Variants in PDE10A observed in about 807,000 individuals in gnomAD.
PDE10A encodes the protein cAMP and cAMP-inhibited cGMP 3',5'-cyclic phosphodiesterase 10A.
PDE10A carries 39 observed loss-of-function variants against 97.7 expected under a neutral mutation model. The ratio of observed to expected loss-of-function variants is 0.40; its 90% CI spans 0.31 to 0.52. The LOEUF is 0.52. Ranked by LOEUF, PDE10A falls within the 20% of genes least tolerant of loss-of-function variation. PDE10A has a pLI of 0.56. For missense variants in PDE10A, 731 were observed against 1,047.8 expected (o/e 0.70, Z 4.17); for synonymous variants, 371 against 376.8 (o/e 0.98, Z 0.18).
chr6:165,806,263 G>A (rs1490459220), intron 1 of PDE10A, among the ~76,000 whole-genome samples: 2 of 152,018 alleles, frequency 1.3e-5, no homozygotes, highest in Non-Finnish European at 2.9e-5. Context: ...GGAAACCCCC[G>A]ACAGAGAATG....
intron 1 of PDE10A, among the ~76,000 whole-genome samples, chr6:165,859,262 C>T (rs757185725): frequency 4.6e-5 from 7 of 152,296 alleles, no homozygotes; most frequent in East Asian, 1.9e-4. Flanking sequence ...CACTAGACAG[C>T]GCACCAGCAC....
intron 1 of PDE10A, among the ~76,000 whole-genome samples, chr6:165,764,454 C>T (rs910144865): frequency 2.0e-5 from 3 of 152,108 alleles, no homozygotes; most frequent in Admixed American, 1.3e-4. Context: ...TTGGTGGGTT[C>T]TTGGTCTCAC....
intron 1 of PDE10A, among the ~76,000 whole-genome samples, chr6:165,550,379 A>G (rs552534885): frequency 5.9e-5 from 9 of 152,232 alleles, no homozygotes; most frequent in Admixed American, 2.0e-4. Context: ...GATACAAACA[A>G]TAAGTAAAAT....
At chr6:165,785,466 G>A (rs1225616596) in intron 1 of PDE10A, among the ~76,000 whole-genome samples, 2 of 152,174 alleles carry the variant, frequency 1.3e-5, no homozygotes, top group Admixed American at 1.3e-4. Context: ...TCCTCAGAAA[G>A]ACAATTAGAC....
chr6:165,502,917 G>T lies in PDE10A; in HGVS notation c.995-20574C>A, dbSNP rs79154539. Among the ~76,000 whole-genome samples the T allele has an allele frequency of 8.5e-5, 13 of 152,138 alleles. No homozygotes were observed. In the East Asian group the frequency reaches 2.5e-3, roughly 29 times the overall value. On this transcript the variant is annotated intron_variant, in intron 2 of 21. Coordinates refer to ENST00000539869, the MANE Select transcript of PDE10A (RefSeq NM_001385079.1). ...CTGAGATGACAGAAACGTTGATTGG[G>T]GTGGTAGTTACAGGATAATATACAT... is the stretch of plus-strand genomic sequence containing the variant.
intron 1 of PDE10A, among the ~76,000 whole-genome samples, chr6:165,817,447 C>T (rs73031945): frequency 6.6e-6 from 1 of 152,284 alleles, no homozygotes; most frequent in Non-Finnish European, 1.5e-5. Flanking sequence ...CTCCCTACCA[C>T]ATACACACGC....
chr6:165,419,759 C>A (rs1788565316), intron 10 of PDE10A, among the ~76,000 whole-genome samples: 1 of 152,172 alleles, frequency 6.6e-6, no homozygotes, highest in Non-Finnish European at 1.5e-5. Context: ...AGATCATAGC[C>A]ATGAAATTAT....
intron 16 of PDE10A, 128 bp downstream of exon 16, chr6:165,392,518 A>C (rs1785799960): frequency 2.7e-6 from 2 of 752,508 alleles, no homozygotes; most frequent in Non-Finnish European, 2.2e-6. Context: ...ATGGGCTACT[A>C]TTGATTTATT....
chr6:165,902,170 A>G (rs1226425715), intron 1 of PDE10A, among the ~76,000 whole-genome samples: 1 of 152,246 alleles, frequency 6.6e-6, no homozygotes, highest in Non-Finnish European at 1.5e-5. Context: ...TGACAAGCTC[A>G]TGGTCTTCTC....
intron 1 of PDE10A, among the ~76,000 whole-genome samples, chr6:165,627,495 T>C (rs947759970): frequency 5.3e-5 from 8 of 152,018 alleles, no homozygotes; most frequent in African/African-American, 1.9e-4. Context: ...ATCACAGAAA[T>C]CACAGAAGAT....
At chr6:165,950,458 G>A (rs961110613) in intron 1 of PDE10A, among the ~76,000 whole-genome samples, 13 of 152,288 alleles carry the variant, frequency 8.5e-5, no homozygotes, top group East Asian at 3.9e-4. Flanking sequence ...CTGGAACCCC[G>A]TGTAGGGTGT....
intron 1 of PDE10A, among the ~76,000 whole-genome samples, chr6:165,702,636 C>G (rs1462106901): frequency 6.6e-6 from 1 of 152,202 alleles, no homozygotes; most frequent in Non-Finnish European, 1.5e-5. Context: ...TGTGAATGTA[C>G]TAAACTGAGA....
At chr6:165,379,926 G>A (rs551936903) in intron 17 of PDE10A, among the ~76,000 whole-genome samples, 2 of 152,056 alleles carry the variant, frequency 1.3e-5, no homozygotes, top group Non-Finnish European at 2.9e-5. Context: ...AACTCTAAGG[G>A]CAAGAGTACC....
intron 3 of PDE10A, among the ~76,000 whole-genome samples, chr6:165,450,781 G>A (rs867723040): frequency 1.3e-5 from 2 of 151,884 alleles, no homozygotes; most frequent in South Asian, 2.1e-4. Context: ...GGCTGGTCTC[G>A]AAAACTCCTG....
chr6:165,979,489 TTTC>T (rs572155911), intron 1 of PDE10A, among the ~76,000 whole-genome samples: 139 of 152,382 alleles, frequency 9.1e-4, no homozygotes, highest in African/African-American at 3.2e-3. Flanking sequence ...AATATAAATA[TTTC>T]TTCTTGTCTA....
chr6:165,759,424 G>C (rs139694083), intron 1 of PDE10A, among the ~76,000 whole-genome samples: 2,205 of 152,230 alleles, frequency 0.014, 22 homozygotes, highest in Non-Finnish European at 0.024. Context: ...CCACTTTCAC[G>C]GGGCCAGGTC....
At chr6:165,956,957 T>G (rs1784151782) in intron 1 of PDE10A, among the ~76,000 whole-genome samples, 1 of 152,100 alleles carries the variant, frequency 6.6e-6, no homozygotes, top group Non-Finnish European at 1.5e-5. Context: ...GCCCAGGGGT[T>G]GATGGATAAG....
In PDE10A at chr6:165,888,874, A is replaced by G. The variant is rs543919248; in HGVS notation, c.-615+98655T>C. Among the ~76,000 whole-genome samples the G allele has an allele frequency of 5.7e-4, 87 of 152,340 alleles. 1 individual carries two copies. In the South Asian group the frequency reaches 0.011, roughly 19 times the overall value. ...TCAGTTTTCAGACTTAGAAAATATA[A>G]TGAACCTTGGCCAAATACATAGATA... On this transcript the variant is annotated intron_variant, in intron 1 of 19. Coordinates refer to the PDE10A transcript ENST00000366882.
At chr6:165,882,431 G>A (rs1644695833) in intron 1 of PDE10A, among the ~76,000 whole-genome samples, 1 of 152,154 alleles carries the variant, frequency 6.6e-6, no homozygotes, top group South Asian at 2.1e-4. Flanking sequence ...ATAAAAGTAA[G>A]TTATAAAATA....
Sources: allele counts gnomAD v4.1 joint callset (sites outside exome capture counted in the v4.1 genomes callset), GRCh38; gene constraint gnomAD v4.1.1; transcripts MANE v1.5; gene names NCBI Gene and HGNC (gene_info 2026-07-23, HGNC 2026-07-21).